GSE1: variants seen among roughly 807,000 people sequenced by gnomAD.
GSE1 encodes genetic suppressor element 1.
GSE1 carries 32 observed loss-of-function variants against 112.6 expected under a neutral mutation model. The observed-to-expected ratio is 0.28, with a 90% CI of 0.21 to 0.38. GSE1 has a LOEUF of 0.38. Among genes scored for constraint, GSE1 ranks in the 10% least tolerant of loss-of-function variants. The probability of loss-of-function intolerance (pLI) is 1.00; values close to 1 mark genes in which losing one functional copy is unlikely to be tolerated. For missense variants in GSE1, 2,348 were observed against 1,699.2 expected, an observed-to-expected ratio of 1.38 and a Z score of -6.71; for synonymous variants, 1,115 against 735.6, an observed-to-expected ratio of 1.52 and a Z score of -8.35.
At chr16:85,270,159 G>T (rs767941238) in intron 1 of GSE1, among the ~76,000 whole-genome samples, 5 of 148,990 alleles carry the variant, frequency 3.4e-5, no homozygotes, top group Non-Finnish European at 6.0e-5. Flanking sequence ...CTGGACAGAC[G>T]CTCAGTGGTA....
chr16:85,311,693 T>C lies in GSE1; in HGVS notation c.2284-45770T>C, dbSNP rs2045853232. Among the ~76,000 whole-genome samples, 1 of 152,128 alleles carries C rather than the reference T, an allele frequency of 6.6e-6. No homozygotes were observed. Among genetic ancestry groups the C allele is most frequent in the Non-Finnish European group, 1.5e-5 (1 of 67,988 alleles). ...TCTGTCTGTGGCTCTCTTGGGGCCC[T>C]GGATACCTCCTGCCTGCTTCATTTC... On this transcript the variant is annotated intron_variant, in intron 1 of 2. Coordinates refer to the GSE1 transcript ENST00000637419. This position sits in a 1 kb window ranked among gnomAD's most constrained non-coding sequence, Gnocchi z 4.2.
chr16:85,545,924 A>C (rs1044196893), intron 2 of GSE1, among the ~76,000 whole-genome samples: 1 of 151,760 alleles, frequency 6.6e-6, no homozygotes, highest in African/African-American at 2.4e-5. Context: ...CTGGGACTAC[A>C]GGCGCCCGCC....
chr16:85,480,756 G>T (rs2050650461), intron 2 of GSE1, among the ~76,000 whole-genome samples: 2 of 152,138 alleles, frequency 1.3e-5, no homozygotes, highest in African/African-American at 4.8e-5. Flanking sequence ...AGCACTGTCG[G>T]TCAGGTCCAG....
At chr16:85,559,055 G>T (rs1015594267) in intron 1 of GSE1, among the ~76,000 whole-genome samples, 1 of 152,086 alleles carries the variant, frequency 6.6e-6, no homozygotes, top group South Asian at 2.1e-4. Context: ...ATGGGGTTTC[G>T]CCATGTTGGC....
intron 2 of GSE1, among the ~76,000 whole-genome samples, chr16:85,638,817 G>A (rs1484828685): frequency 6.6e-6 from 1 of 151,902 alleles, no homozygotes; most frequent in Non-Finnish European, 1.5e-5. Context: ...CCCTGGGAGG[G>A]CGTGTGCTTC....
At chr16:85,194,778 C>T (rs1340905401) in intron 1 of GSE1, among the ~76,000 whole-genome samples, 1 of 152,194 alleles carries the variant, frequency 6.6e-6, no homozygotes, top group South Asian at 2.1e-4. Flanking sequence ...AAAAGACCTT[C>T]TCTCCAGGGT....
At chr16:85,493,407 C>G (rs933267773) in intron 2 of GSE1, among the ~76,000 whole-genome samples, 4 of 152,024 alleles carry the variant, frequency 2.6e-5, no homozygotes, top group Non-Finnish European at 5.9e-5. Flanking sequence ...GATCACACTG[C>G]TGTACTCCAG....
At chr16:85,334,237 C>T (rs977407342) in intron 1 of GSE1, among the ~76,000 whole-genome samples, 1 of 152,224 alleles carries the variant, frequency 6.6e-6, no homozygotes, top group African/African-American at 2.4e-5. Context: ...TCGAGCTGGT[C>T]CATCCAGAGT....
chr16:85,629,357 T>C (rs948966489), intron 1 of GSE1, among the ~76,000 whole-genome samples: 7 of 152,152 alleles, frequency 4.6e-5, no homozygotes, highest in Admixed American at 2.0e-4. Context: ...GGAGAGAGAA[T>C]TGGCATCTGC....
intron 2 of GSE1, among the ~76,000 whole-genome samples, chr16:85,544,784 A>T (rs1050177213): frequency 6.6e-6 from 1 of 152,226 alleles, no homozygotes; most frequent in Non-Finnish European, 1.5e-5. Context: ...GCTGTTCGCA[A>T]TGCCTGTTTT....
At chr16:85,599,504 A>G (rs2047373317) in intron 1 of GSE1, among the ~76,000 whole-genome samples, 1 of 152,120 alleles carries the variant, frequency 6.6e-6, no homozygotes, top group Non-Finnish European at 1.5e-5. Context: ...TGCAGAGTGA[A>G]GTTTGGGGAT....
intron 2 of GSE1, chr16:85,490,365 T>C (rs2050971288): frequency 6.6e-6 from 1 of 152,272 alleles, no homozygotes; most frequent in Non-Finnish European, 1.5e-5. Flanking sequence ...CCCTGGGCCT[T>C]CGTCTCCTCA....
At chr16:85,553,293 GGCC>G (rs532488359), upstream of GSE1, among the ~76,000 whole-genome samples, 13,900 of 149,744 alleles carry the variant, frequency 0.093, 669 homozygotes, top group Middle Eastern at 0.15. Context: ...CCGCTTGCCA[GGCC>G]GCCGCCGCCG....
intron 1 of GSE1, among the ~76,000 whole-genome samples, chr16:85,233,582 G>A (rs909664333): frequency 2.0e-4 from 30 of 152,216 alleles, no homozygotes; most frequent in Non-Finnish European, 4.1e-4. Context: ...TGTGTGATAT[G>A]TGTCCACGTG....
At chr16:85,212,181 A>C (rs1343558034) in intron 1 of GSE1, among the ~76,000 whole-genome samples, 2 of 152,218 alleles carry the variant, frequency 1.3e-5, no homozygotes, top group African/African-American at 4.8e-5. Context: ...CGAGACCGGC[A>C]GAACACTTGA....
At chr16:85,658,411 A>AG (rs1226948801) in intron 8 of GSE1, among the ~76,000 whole-genome samples, 3 of 152,282 alleles carry the variant, frequency 2.0e-5, no homozygotes, top group East Asian at 3.9e-4. Flanking sequence ...TCCACAAAGG[A>AG]GGGTGGGTAG....
chr16:85,392,144 TG>T (rs1230766866), intron 2 of GSE1, among the ~76,000 whole-genome samples: 2 of 152,116 alleles, frequency 1.3e-5, no homozygotes, highest in African/African-American at 2.4e-5. Flanking sequence ...ATCCTTGTCC[TG>T]GGATCCGCCT....
chr16:85,493,684 CGGAGGT>C (rs1373599576), intron 2 of GSE1, among the ~76,000 whole-genome samples: 3 of 146,956 alleles, frequency 2.0e-5, no homozygotes, highest in Non-Finnish European at 4.5e-5. Flanking sequence ...ACCCGGGAGG[CGGAGGT>C]GGAGGTGGAG....
At chr16:85,326,743 T>C (rs1261744975) in intron 1 of GSE1, among the ~76,000 whole-genome samples, 1 of 152,346 alleles carries the variant, frequency 6.6e-6, no homozygotes, top group East Asian at 1.9e-4. Flanking sequence ...GGCCTGGTGC[T>C]TACTTTGTGG....
Sources: gnomAD v4.1 joint callset for allele counts (sites outside exome capture counted in the v4.1 genomes callset) on GRCh38, gnomAD v4.1.1 for gene constraint, Gnocchi (gnomAD v3.1) non-coding constraint, MANE v1.5 for transcripts, NCBI Gene and HGNC (gene_info 2026-07-23, HGNC 2026-07-21) for gene names.